AURKC: variants seen among roughly 807,000 people sequenced by gnomAD.
The protein encoded by AURKC is aurora kinase C, also known as ARK-3.
In AURKC, 15 loss-of-function variants were observed where a neutral mutation model predicts 29.2. The observed-to-expected ratio is 0.51, with a 90% CI of 0.34 to 0.79. The LOEUF is 0.79. AURKC is among the 30% of genes least tolerant of loss of function. The pLI is 0.01. For missense variants in AURKC, 332 were observed against 383.2 expected (o/e 0.87, Z 1.12); for synonymous variants, 150 against 149.9 (o/e 1.00, Z -0.01).
chr19:57,231,765 C>T lies in AURKC; in HGVS notation c.82C>T (p.Gln28Ter). The T allele has an allele frequency of 6.2e-7, 1 of 1,613,256 alleles. No homozygotes were observed. The change falls in exon 2 of 7, where the codon CAG becomes TAG. Residue 28 changes from glutamine to a stop codon, truncating the protein, a stop_gained. Coordinates refer to ENST00000302804, the MANE Select transcript of AURKC (RefSeq NM_001015878.2). LOFTEE classifies it high-confidence loss of function. ...AGTGGCTACAGCAAACCAAACAGCC[C>T]AGCAGCCCAGCAGCCCAGCCATGTG... is the stretch of plus-strand genomic sequence containing the variant. ...EELATANQTA[Q>*]QPSSPAMRRL...
Position 57,232,707 on chromosome 19 carries a change from G to C in AURKC, c.435+27G>C, listed in dbSNP as rs372025800. 131 of 1,612,244 alleles carry C rather than the reference G, an allele frequency of 8.1e-5. No homozygotes were observed. The highest frequency in any genetic ancestry group is 1.1e-4 in the Non-Finnish European group (128 of 1,180,012). On this transcript the variant is annotated intron_variant, in intron 4 of 6. Coordinates refer to ENST00000302804, the MANE Select transcript of AURKC (RefSeq NM_001015878.2). This position sits in a 1 kb window ranked among gnomAD's most constrained non-coding sequence, Gnocchi z 4.5. Reference sequence around the variant, plus strand: ...TGAGGTGCGGGTCTGGAGGCTCTGGGGTCTCTGAGTTTACTGTGGGCTGGT... The same window carrying C: ...TGAGGTGCGGGTCTGGAGGCTCTGGCGTCTCTGAGTTTACTGTGGGCTGGT...
At position 57,235,364 on chromosome 19, in the gene AURKC, G is replaced by T; in HGVS notation, c.877G>T (p.Val293Phe). The change falls in exon 7 of 7, where the codon GTT (valine) becomes TTT (phenylalanine). Residue 293 changes from valine to phenylalanine, a missense_variant. Val to Phe is a conservative substitution (Grantham distance 50, BLOSUM62 -1). Coordinates refer to ENST00000302804, the MANE Select transcript of AURKC (RefSeq NM_001015878.2). ...PLAQILKHPWVQAHSRRVLPP... is the reference protein window; with the variant it reads ...PLAQILKHPWFQAHSRRVLPP... ...GGCCCAGATCCTGAAGCACCCCTGG[G>T]TTCAGGCCCACTCCCGAAGGGTGCT... The T allele has an allele frequency of 1.2e-6, 2 of 1,614,080 alleles. No individual in the cohort carries two copies. Among genetic ancestry groups the T allele is most frequent in the Non-Finnish European group, 8.5e-7 (1 of 1,180,030 alleles).
chr19:57,231,293 T>A lies in AURKC; in HGVS notation c.45T>A (p.Pro15=). ...TGGTGCAGCTGGGCAAAGCTCAACC[T>A]GCAGGCGAAGAGTGTGAGAGCCAGC... ...RAVVQLGKAQ[P]AGEELATANQ... is the part of the protein sequence containing the mutation. Residue 15 remains proline, a synonymous_variant, in exon 1 of 7, where the codon CCT becomes CCA. Transcript: ENST00000302804. The A allele has an allele frequency of 6.4e-7, 1 of 1,553,154 alleles. No individual in the cohort carries two copies.
chr19:57,231,679 TTCTC>T (rs2087492230), intron 1 of AURKC, 59 bp from the exon 2 acceptor site: 1 of 1,589,896 alleles, frequency 6.3e-7, no homozygotes. Context: ...TCTCCTCTCT[TTCTC>T]TCCCCTTCTC....
chr19:57,233,315 T>C, intron 4 of AURKC, 145 bp from the exon 5 acceptor site: 1 of 1,191,450 alleles, frequency 8.4e-7, no homozygotes, highest in Non-Finnish European at 1.2e-6. Flanking sequence ...CACACACCAG[T>C]AACTGGTGCA....
Position 57,232,274 on chromosome 19 carries a change from A to G in AURKC, c.296+50A>G. 1 of 1,603,284 alleles carries G rather than the reference A, an allele frequency of 6.2e-7. No homozygotes were observed. Among genetic ancestry groups the G allele is most frequent in the Non-Finnish European group, 8.5e-7 (1 of 1,175,748 alleles). Reference sequence around the variant, plus strand: ...TTCATCTTTGACGTCTGAGCCCAGCATTTTCCCCAAATACTAACCCCAAGT... The same window carrying G: ...TTCATCTTTGACGTCTGAGCCCAGCGTTTTCCCCAAATACTAACCCCAAGT... On this transcript the variant is annotated intron_variant, in intron 3 of 6. Transcript: ENST00000302804. The surrounding 1 kb of genome is among the most constrained non-coding windows in gnomAD (Gnocchi z 4.5).
Position 57,232,464 on chromosome 19 carries a change from G to C in AURKC, c.297-78G>C. ...CTGGTCCCAGCATAATTTGCCACTT[G>C]TGTGACCAGGCAGTGACGGTGGCAT... On this transcript the variant is annotated intron_variant, in intron 3 of 6. Transcript: ENST00000302804. The surrounding 1 kb of genome is among the most constrained non-coding windows in gnomAD (Gnocchi z 4.5). 1.9e-6 allele frequency: 3 copies of C among 1,604,870 alleles called. No homozygotes were observed. The South Asian group carries it at 3.3e-5, about 18-fold the overall frequency.
chr19:57,232,230 G>T lies in AURKC; in HGVS notation c.296+6G>T, dbSNP rs544786044. On this transcript the variant is annotated splice_donor_region_variant and intron_variant, in intron 3 of 6. Transcript: ENST00000302804. This position sits in a 1 kb window ranked among gnomAD's most constrained non-coding sequence, Gnocchi z 4.5. ...GAGATCCAGGCTCATCTACAGTAAG[G>T]ACAGTCTCTGCTTCCTCTTTCATCT... 8 of 1,613,476 alleles carry T rather than the reference G, an allele frequency of 5.0e-6. No homozygotes were observed. Among genetic ancestry groups the T allele is most frequent in the Non-Finnish European group, 6.8e-6 (8 of 1,180,012 alleles).
At chr19:57,233,673 A>G in intron 5 of AURKC, 65 bp downstream of exon 5, 2 of 1,605,306 alleles carry the variant, frequency 1.2e-6, no homozygotes, top group Non-Finnish European at 8.5e-7. Context: ...AGTTTAATGT[A>G]TTTCATGTGT....
chr19:57,233,308 A>C, intron 4 of AURKC, 152 bp from the exon 5 acceptor site: 1 of 1,109,032 alleles, frequency 9.0e-7, no homozygotes, highest in Middle Eastern at 2.9e-4. Context: ...CACACCCCAC[A>C]CACCAGTAAC....
In AURKC at chr19:57,233,598, C is replaced by T. The variant is rs754504724; in HGVS notation, c.574C>T (p.Pro192Ser). Residue 192 changes from proline (P) to serine (S), a missense_variant, in exon 5 of 7, where the codon CCC becomes TCC. Pro to Ser is a moderately conservative substitution (Grantham distance 74). Transcript: ENST00000302804. Reference sequence around the variant, plus strand: ...AGATTTTGGCTGGTCTGTGCACACCCCCTCCCTGAGGTAGGTCAGGTGGTG... The same window carrying T: ...AGATTTTGGCTGGTCTGTGCACACCTCCTCCCTGAGGTAGGTCAGGTGGTG... ...IADFGWSVHT[P>S]SLRRKTMCGT... 6 of 1,613,730 alleles carry T rather than the reference C, an allele frequency of 3.7e-6. No individual in the cohort carries two copies. The highest frequency in any genetic ancestry group is 5.1e-6 in the Non-Finnish European group (6 of 1,180,002).
intron 5 of AURKC, among the ~76,000 whole-genome samples, 159 bp downstream of exon 5, chr19:57,233,767 A>T (rs12459716): frequency 2.7e-5 from 4 of 148,788 alleles, no homozygotes; most frequent in Non-Finnish European, 1.5e-5. Context: ...TTTTTTTTTG[A>T]GACAGAGTCT....
At chr19:57,233,026 A>G (rs2087509560) in intron 4 of AURKC, among the ~76,000 whole-genome samples, 1 of 152,218 alleles carries the variant, frequency 6.6e-6, no homozygotes, top group Admixed American at 6.5e-5. Flanking sequence ...AGATAGGTAC[A>G]AAGAGATTTC....
rs956329662 is a variant in AURKC, at chr19:57,232,453, A to G, written c.297-89A>G. The G allele has an allele frequency of 1.3e-6, 2 of 1,592,978 alleles. No homozygotes were observed. The highest frequency in any genetic ancestry group is 2.7e-5 in the African/African-American group (2 of 74,528). ...CTGTTGTTATTCTGGTCCCAGCATA[A>G]TTTGCCACTTGTGTGACCAGGCAGT... On this transcript the variant is annotated intron_variant, in intron 3 of 6. Coordinates refer to ENST00000302804, the MANE Select transcript of AURKC (RefSeq NM_001015878.2). This position sits in a 1 kb window ranked among gnomAD's most constrained non-coding sequence, Gnocchi z 4.5.
chr19:57,231,045 A>T lies in AURKC; in HGVS notation c.-204A>T. 7.8e-7 allele frequency: 1 copy of T among 1,280,478 alleles called. No individual in the cohort carries two copies. Among genetic ancestry groups the T allele is most frequent in the Non-Finnish European group, 1.1e-6 (1 of 898,766 alleles). 79.3% of individuals were successfully genotyped at this position (1,280,478 alleles called of 1,614,324 possible). A position where few individuals can be genotyped will look rare whatever the true frequency, so the allele number is the denominator to read the frequency against. On this transcript the variant is annotated 5_prime_UTR_variant, in exon 1 of 7. Transcript: ENST00000302804. ...TCTGAGCGGTTGGTGCCGGGTATAA[A>T]AGAAGGCCGCGCAGCCACGGCTGCT...
chr19:57,231,887 A>G, intron 2 of AURKC, 100 bp downstream of exon 2: 2 of 1,608,068 alleles, frequency 1.2e-6, no homozygotes, highest in South Asian at 1.1e-5. Context: ...GGGAACGAGA[A>G]CTACTGATAG....
In AURKC at chr19:57,231,335, A is replaced by G. The variant is rs758097; in HGVS notation, c.58+29A>G. 492,512 of 1,550,982 alleles carry G rather than the reference A, an allele frequency of 0.32. 82,367 individuals are homozygous for G. The highest frequency in any genetic ancestry group is 0.69 in the East Asian group (28,143 of 40,850). On this transcript the variant is annotated intron_variant, in intron 1 of 6. Coordinates refer to ENST00000302804, the MANE Select transcript of AURKC (RefSeq NM_001015878.2). Reference sequence around the variant, plus strand: ...AGAGCCAGCGCCAGAGAAAGGACGCAGGGAAGGCTGGGGACTGGGCCAGGG... The same window carrying G: ...AGAGCCAGCGCCAGAGAAAGGACGCGGGGAAGGCTGGGGACTGGGCCAGGG...
rs1160707133 is a variant in AURKC at position 57,232,896 on chromosome 19, G to A, written c.435+216G>A. 6.6e-6 allele frequency among the ~76,000 whole-genome samples: 1 copy of A among 152,134 alleles called. No homozygotes were observed. Among genetic ancestry groups the A allele is most frequent in the Non-Finnish European group, 1.5e-5 (1 of 68,030 alleles). ...TATCTCCAGAATATTAATAAGTACT[G>A]CGTATAGGTTTGGATTCTTTGGTTA... On this transcript the variant is annotated intron_variant, in intron 4 of 6. Coordinates refer to ENST00000302804, the MANE Select transcript of AURKC (RefSeq NM_001015878.2). The surrounding 1 kb of genome is among the most constrained non-coding windows in gnomAD (Gnocchi z 4.5).
At chr19:57,231,912 G>A (rs1299839351) in intron 2 of AURKC, 121 bp from the exon 3 acceptor site, 1 of 1,605,534 alleles carries the variant, frequency 6.2e-7, no homozygotes, top group African/African-American at 1.3e-5. Flanking sequence ...GGGTCTGTGT[G>A]AGAAGGGAAA....
Sources: allele counts gnomAD v4.1 joint callset (sites outside exome capture counted in the v4.1 genomes callset), GRCh38; gene constraint gnomAD v4.1.1; non-coding constraint Gnocchi (gnomAD v3.1); transcripts MANE v1.5; gene names NCBI Gene and HGNC (gene_info 2026-07-23, HGNC 2026-07-21).